Variants in SCAPER observed in about 807,000 individuals in gnomAD.
SCAPER encodes S-phase cyclin A associated protein in the ER.
A neutral mutation model predicts 182.2 loss-of-function variants in SCAPER; 98 were observed. The ratio of observed to expected loss-of-function variants is 0.54; its 90% CI spans 0.46 to 0.64. SCAPER has a LOEUF of 0.64. SCAPER is among the 30% of genes least tolerant of loss of function. SCAPER has a pLI of 0.00. For synonymous variants in SCAPER, 605 were observed against 564.6 expected, an observed-to-expected ratio of 1.07 and a Z score of -1.01; for missense variants, 1,432 against 1,690.0, an observed-to-expected ratio of 0.85 and a Z score of 2.68.
Position 76,765,020 on chromosome 15 carries a change from G to C in SCAPER, c.1666C>G (p.Gln556Glu). The C allele has an allele frequency of 6.2e-7, 1 of 1,603,318 alleles. No homozygotes were observed. The highest frequency in any genetic ancestry group is 8.5e-7 in the Non-Finnish European group (1 of 1,175,172). The change falls in exon 14 of 32, where the codon CAG (glutamine) becomes GAG (glutamate). Residue 556 changes from glutamine (Q) to glutamate (E), a missense_variant. Around this residue, in one of 5 missense-constraint regions of SCAPER, gnomAD observed 128 missense variants for 149.9 expected, o/e 0.85. Coordinates refer to ENST00000563290, the MANE Select transcript of SCAPER (RefSeq NM_020843.4). ...KHEEKQMKAQ[Q>E]LREKLREEKT... ...TCTTCGCGTAACTTTTCCCTTAGCTGCTGTGCTTTCATTTGTTTTTCTTCA... is the reference window on the plus strand; with the variant it reads ...TCTTCGCGTAACTTTTCCCTTAGCTCCTGTGCTTTCATTTGTTTTTCTTCA...
At chr15:76,818,276 T>C (rs1478065864) in intron 5 of SCAPER, among the ~76,000 whole-genome samples, 1 of 152,220 alleles carries the variant, frequency 6.6e-6, no homozygotes, top group Non-Finnish European at 1.5e-5. Flanking sequence ...ACAGAACTTA[T>C]AATCTTCACA....
intron 20 of SCAPER, among the ~76,000 whole-genome samples, chr15:76,681,764 T>TA (rs1321840922): frequency 4.6e-5 from 7 of 152,068 alleles, no homozygotes; most frequent in Admixed American, 6.5e-5. Flanking sequence ...CACAGACACT[T>TA]ATGCTAACAG....
chr15:76,753,491 T>C (rs897441060), intron 15 of SCAPER, among the ~76,000 whole-genome samples: 1 of 151,920 alleles, frequency 6.6e-6, no homozygotes, highest in Non-Finnish European at 1.5e-5. Flanking sequence ...AAAGAGGAAT[T>C]GTGTATTATG....
At chr15:76,640,494 C>T (rs940539777) in intron 21 of SCAPER, among the ~76,000 whole-genome samples, 1 of 152,192 alleles carries the variant, frequency 6.6e-6, no homozygotes, top group African/African-American at 2.4e-5. Context: ...TTACCTGGTG[C>T]TGAAGTTTTA....
chr15:76,713,379 C>T (rs1255224855), intron 17 of SCAPER, among the ~76,000 whole-genome samples: 1 of 151,832 alleles, frequency 6.6e-6, no homozygotes, highest in East Asian at 1.9e-4. Context: ...GGAACCAACC[C>T]AAATGTCCAA....
At chr15:76,647,261 G>T (rs2054623843) in intron 21 of SCAPER, among the ~76,000 whole-genome samples, 1 of 152,222 alleles carries the variant, frequency 6.6e-6, no homozygotes, top group Non-Finnish European at 1.5e-5. Context: ...AAAAGAGACG[G>T]TTGAAGTGGA....
rs142983790 is a variant in SCAPER, at chr15:76,568,820, A to G, written c.2838+5338T>C. Among the ~76,000 whole-genome samples, 1,197 of 152,196 alleles carry G rather than the reference A, an allele frequency of 7.9e-3. 10 individuals are homozygous for G. The highest frequency in any genetic ancestry group is 0.027 in the African/African-American group (1,137 of 41,560). Reference sequence around the variant, plus strand: ...CAAATAAACTGGGTAGAAAAGAAAAATATACTATAGTGAGTTTTCCAATCC... The same window carrying G: ...CAAATAAACTGGGTAGAAAAGAAAAGTATACTATAGTGAGTTTTCCAATCC... On this transcript the variant is annotated intron_variant, in intron 23 of 31. Coordinates refer to ENST00000563290, the MANE Select transcript of SCAPER (RefSeq NM_020843.4).
chr15:76,805,906 T>C (rs2066125473), intron 5 of SCAPER, among the ~76,000 whole-genome samples: 1 of 152,144 alleles, frequency 6.6e-6, no homozygotes, highest in African/African-American at 2.4e-5. Flanking sequence ...ATTCAAATCC[T>C]TTGCCCTTTT....
At chr15:76,488,496 G>T (rs983107295) in intron 24 of SCAPER, among the ~76,000 whole-genome samples, 2 of 151,982 alleles carry the variant, frequency 1.3e-5, no homozygotes, top group Non-Finnish European at 2.9e-5. Flanking sequence ...AACATGGTCA[G>T]AACATGCCAT....
intron 21 of SCAPER, among the ~76,000 whole-genome samples, chr15:76,627,699 G>C (rs1176136056): frequency 6.6e-6 from 1 of 152,126 alleles, no homozygotes; most frequent in Non-Finnish European, 1.5e-5. Context: ...ATCGTTGATG[G>C]GCATTTGGGT....
At chr15:76,439,495 A>G (rs1344182464) in intron 25 of SCAPER, among the ~76,000 whole-genome samples, 1 of 152,244 alleles carries the variant, frequency 6.6e-6, no homozygotes, top group Admixed American at 6.5e-5. Context: ...AAAATAGCTC[A>G]CTTGTGAGCA....
intron 22 of SCAPER, among the ~76,000 whole-genome samples, chr15:76,583,855 C>G (rs2048441556): frequency 6.6e-6 from 1 of 152,164 alleles, no homozygotes; most frequent in Non-Finnish European, 1.5e-5. Flanking sequence ...CTATGAAGAA[C>G]AGTTTGGAGG....
chr15:76,607,720 T>G (rs1466414463), intron 22 of SCAPER, among the ~76,000 whole-genome samples: 1 of 152,114 alleles, frequency 6.6e-6, no homozygotes, highest in African/African-American at 2.4e-5. Context: ...TCATTTCTTT[T>G]TACTCTTTTT....
At chr15:76,685,725 AAG>A (rs1358733106) in intron 20 of SCAPER, among the ~76,000 whole-genome samples, 2 of 152,084 alleles carry the variant, frequency 1.3e-5, no homozygotes, top group Non-Finnish European at 2.9e-5. Flanking sequence ...GGATGAGTAA[AAG>A]GACAAGAAGC....
intron 5 of SCAPER, among the ~76,000 whole-genome samples, chr15:76,829,079 G>A (rs1369766217): frequency 1.3e-5 from 2 of 151,622 alleles, no homozygotes; most frequent in Non-Finnish European, 2.9e-5. Context: ...ACCAACAAGT[G>A]GACAAAAAAA....
At chr15:76,432,108 T>C (rs1055025182) in intron 26 of SCAPER, among the ~76,000 whole-genome samples, 3 of 152,202 alleles carry the variant, frequency 2.0e-5, no homozygotes, top group Non-Finnish European at 2.9e-5. Flanking sequence ...TGTGGCTAAG[T>C]TGTCTGGATG....
chr15:76,591,733 C>A (rs528466029), intron 22 of SCAPER, among the ~76,000 whole-genome samples: 1 of 152,230 alleles, frequency 6.6e-6, no homozygotes, highest in Admixed American at 6.5e-5. Context: ...AGTTGCCAAT[C>A]AAAATATATA....
chr15:76,735,327 C>A (rs189473818), intron 15 of SCAPER, among the ~76,000 whole-genome samples: 1 of 151,930 alleles, frequency 6.6e-6, no homozygotes, highest in East Asian at 1.9e-4. Context: ...GAGCCATGAT[C>A]GCGCCACTAA....
intron 4 of SCAPER, among the ~76,000 whole-genome samples, chr15:76,851,428 G>A (rs1002943426): frequency 7.2e-5 from 11 of 151,894 alleles, no homozygotes; most frequent in Non-Finnish European, 1.0e-4. Context: ...AAATGTTGAA[G>A]GTAGCTTTAA....
Sources: allele counts gnomAD v4.1 joint callset (sites outside exome capture counted in the v4.1 genomes callset), GRCh38; gene constraint gnomAD v4.1.1; regional missense constraint gnomAD v4.1.1; transcripts MANE v1.5; gene names NCBI Gene and HGNC (gene_info 2026-07-23, HGNC 2026-07-21).